Variants in CSMD1 observed in about 807,000 individuals in gnomAD.
CSMD1 encodes the protein CUB and Sushi multiple domains 1, also known as CUB and sushi domain-containing protein 1.
CSMD1 carries 213 observed loss-of-function variants against 417.5 expected under a neutral mutation model. The observed-to-expected ratio is 0.51, with a 90% CI of 0.46 to 0.57. The LOEUF (loss-of-function observed/expected upper bound fraction) is 0.57. CSMD1 is among the 20% of genes least tolerant of loss of function. The probability of loss-of-function intolerance (pLI) is 0.00; values close to 1 mark genes in which losing one functional copy is unlikely to be tolerated. For synonymous variants in CSMD1, 2,862 were observed against 1,736.8 expected, an observed-to-expected ratio of 1.65 and a Z score of -16.11; for missense variants, 6,923 against 4,529.7, an observed-to-expected ratio of 1.53 and a Z score of -15.17.
At chr8:3,371,830 G>C (rs529919888) in intron 18 of CSMD1, among the ~76,000 whole-genome samples, 2 of 152,240 alleles carry the variant, frequency 1.3e-5, no homozygotes, top group Admixed American at 6.5e-5. Flanking sequence ...ATTTCTCATG[G>C]AATTTTTGCA....
chr8:3,912,242 T>C (rs775439798), intron 5 of CSMD1, among the ~76,000 whole-genome samples: 7 of 152,178 alleles, frequency 4.6e-5, no homozygotes, highest in Admixed American at 2.6e-4. Flanking sequence ...GGGCATGAAC[T>C]TACTGGGAAA....
At chr8:3,916,228 T>A (rs778288485) in intron 5 of CSMD1, among the ~76,000 whole-genome samples, 1 of 152,106 alleles carries the variant, frequency 6.6e-6, no homozygotes, top group Non-Finnish European at 1.5e-5. Flanking sequence ...CAACCGGTCA[T>A]TTATGAGGTG....
At chr8:4,548,590 T>C (rs1278571052) in intron 2 of CSMD1, among the ~76,000 whole-genome samples, 1 of 152,212 alleles carries the variant, frequency 6.6e-6, no homozygotes, top group East Asian at 1.9e-4. Flanking sequence ...TATAATTAAA[T>C]ATGATTTGAT....
chr8:3,403,376 G>A (rs1007179405), intron 15 of CSMD1, among the ~76,000 whole-genome samples: 17 of 152,082 alleles, frequency 1.1e-4, no homozygotes, highest in East Asian at 5.8e-4. Context: ...GGCAGTGATC[G>A]GGGTACCCGC....
chr8:4,967,289 A>G (rs1008020565), intron 1 of CSMD1, among the ~76,000 whole-genome samples: 2 of 152,188 alleles, frequency 1.3e-5, no homozygotes, highest in African/African-American at 2.4e-5. Context: ...GTCTGTAGCC[A>G]TTTCAGGCAT....
intron 3 of CSMD1, among the ~76,000 whole-genome samples, chr8:4,253,474 A>G (rs1233002903): frequency 6.6e-6 from 1 of 152,202 alleles, no homozygotes; most frequent in Non-Finnish European, 1.5e-5. Flanking sequence ...TTTGTTGTTT[A>G]AGTTCTTACT....
In CSMD1 at chr8:3,348,100, G is replaced by T; in HGVS notation, c.3366C>A (p.Ser1122=). The stretch of plus-strand genomic sequence containing the variant: ...TACACTCATGGTTATTATCATAATT[G>T]GATGGAAAATTTGGAGACAGTAATG... The part of the protein sequence containing the change: ...EGTLLSPNFP[S]NYDNNHECIY... The change falls in exon 22 of 70, where the codon TCC becomes TCA. Residue 1122 remains serine, a synonymous_variant. Transcript: ENST00000635120. 1 of 1,612,466 alleles carries T rather than the reference G, an allele frequency of 6.2e-7. No homozygotes were observed. The highest frequency in any genetic ancestry group is 8.5e-7 in the Non-Finnish European group (1 of 1,179,114).
At chr8:4,307,884 G>C (rs1798335912) in intron 3 of CSMD1, among the ~76,000 whole-genome samples, 1 of 152,202 alleles carries the variant, frequency 6.6e-6, no homozygotes. Context: ...GTGTTCAGTA[G>C]AGAGGAGGCA....
chr8:4,453,627 A>C (rs1052493143), intron 2 of CSMD1, among the ~76,000 whole-genome samples: 6 of 152,028 alleles, frequency 3.9e-5, no homozygotes, highest in Non-Finnish European at 8.8e-5. Context: ...TGAGAAATGT[A>C]TAGAACTGGC....
chr8:4,101,108 A>G (rs1801282014), intron 3 of CSMD1, among the ~76,000 whole-genome samples: 1 of 152,210 alleles, frequency 6.6e-6, no homozygotes, highest in South Asian at 2.1e-4. Context: ...CCGGTTAACC[A>G]GCGAATAGTC....
chr8:4,241,073 C>G (rs1390723978), intron 3 of CSMD1, among the ~76,000 whole-genome samples: 2 of 152,130 alleles, frequency 1.3e-5, no homozygotes, highest in Non-Finnish European at 2.9e-5. Context: ...GATTTGATCG[C>G]TGAATTACTT....
intron 1 of CSMD1, among the ~76,000 whole-genome samples, chr8:4,767,568 C>G (rs1585067286): frequency 6.6e-6 from 1 of 152,136 alleles, no homozygotes. Context: ...TGGGGCCTCT[C>G]CTCCCTTTCC....
chr8:4,647,477 C>A (rs904127293), intron 1 of CSMD1, among the ~76,000 whole-genome samples: 3 of 148,334 alleles, frequency 2.0e-5, no homozygotes, highest in Non-Finnish European at 2.9e-5. Flanking sequence ...CGTAGGTACG[C>A]GTGTGCCATG....
intron 3 of CSMD1, among the ~76,000 whole-genome samples, chr8:4,314,899 G>A (rs1248717655): frequency 1.3e-5 from 2 of 152,098 alleles, no homozygotes; most frequent in Admixed American, 6.5e-5. Flanking sequence ...GAACATAATT[G>A]GGCTCCTAAA....
At chr8:3,683,272 G>A (rs970478245) in intron 7 of CSMD1, among the ~76,000 whole-genome samples, 21 of 151,898 alleles carry the variant, frequency 1.4e-4, no homozygotes, top group Middle Eastern at 3.2e-3. Context: ...TGACCCCTGT[G>A]AATAGCCTGT....
At chr8:4,218,200 T>C (rs1325976092) in intron 3 of CSMD1, among the ~76,000 whole-genome samples, 1 of 152,198 alleles carries the variant, frequency 6.6e-6, no homozygotes, top group South Asian at 2.1e-4. Flanking sequence ...ATCACTCTTG[T>C]TGGCACTTTG....
chr8:3,831,307 G>C (rs1802364820), intron 5 of CSMD1, among the ~76,000 whole-genome samples: 1 of 152,156 alleles, frequency 6.6e-6, no homozygotes. Context: ...GCTGTGGCAT[G>C]TTGCATTTCG....
chr8:4,703,164 T>C (rs1421389234), intron 1 of CSMD1, among the ~76,000 whole-genome samples: 1 of 152,152 alleles, frequency 6.6e-6, no homozygotes, highest in African/African-American at 2.4e-5. Context: ...GGATCTCCAT[T>C]TAAGGAGATT....
intron 3 of CSMD1, among the ~76,000 whole-genome samples, chr8:4,041,321 C>T (rs886507263): frequency 1.3e-5 from 2 of 152,040 alleles, no homozygotes; most frequent in Non-Finnish European, 2.9e-5. Flanking sequence ...CTGGCCGGGC[C>T]TTTGCCATTT....
Sources: allele counts gnomAD v4.1 joint callset (sites outside exome capture counted in the v4.1 genomes callset), GRCh38; gene constraint gnomAD v4.1.1; transcripts MANE v1.5; gene names NCBI Gene and HGNC (gene_info 2026-07-23, HGNC 2026-07-21).